GRAMD1A: variants seen among roughly 807,000 people sequenced by gnomAD.
The protein encoded by GRAMD1A is protein Aster-A.
GRAMD1A carries 50 observed loss-of-function variants against 92.0 expected under a neutral mutation model. The ratio of observed to expected loss-of-function variants is 0.54; its 90% CI spans 0.43 to 0.69. The LOEUF (loss-of-function observed/expected upper bound fraction) is 0.69. Ranked by LOEUF, GRAMD1A falls within the 30% of genes least tolerant of loss-of-function variation. The probability of loss-of-function intolerance (pLI) is 0.00; values close to 1 mark genes in which losing one functional copy is unlikely to be tolerated. For missense variants in GRAMD1A, 819 were observed against 978.9 expected, an observed-to-expected ratio of 0.84 and a Z score of 2.18; for synonymous variants, 405 against 403.6, an observed-to-expected ratio of 1.00 and a Z score of -0.04.
upstream of GRAMD1A, among the ~76,000 whole-genome samples, chr19:34,995,596 T>TTTTTTTTTTTG (rs1281397886): frequency 6.7e-6 from 1 of 148,900 alleles, no homozygotes; most frequent in African/African-American, 2.5e-5. Flanking sequence ...TTTTTTTTTT[T>TTTTTTTTTTTG]TCTGAGACAG....
Position 35,013,573 on chromosome 19 carries a change from T to C in GRAMD1A, c.752T>C (p.Leu251Pro), listed in dbSNP as rs754280652. ...TPKEVGDVIA[L>P]SDITSSGAAD... ...AAGGAAGTGGGAGATGTGATCGCCC[T>C]GAGCGACATCACCTCCTCGGGGGCA... Residue 251 changes from leucine to proline, a missense_variant, in exon 9 of 20, where the codon CTG (leucine) becomes CCG (proline). By Grantham distance (98) the Leu-to-Pro change is moderately conservative. This residue lies in a region of GRAMD1A where 577 missense variants were observed against 674.6 expected (regional missense o/e 0.86). Transcript: ENST00000317991. This position sits in a 1 kb window ranked among gnomAD's most constrained non-coding sequence, Gnocchi z 4.9. 1 of 1,612,302 alleles carries C rather than the reference T, an allele frequency of 6.2e-7. No homozygotes were observed. Among genetic ancestry groups the C allele is most frequent in the Admixed American group, 1.7e-5 (1 of 59,878 alleles).
chr19:35,010,515 G>A (rs1224348940), intron 6 of GRAMD1A, 136 bp downstream of exon 6: 1 of 664,338 alleles, frequency 1.5e-6, no homozygotes, highest in East Asian at 2.7e-5. Context: ...TCCCGGCCCA[G>A]GCGCCCATCA....
intron 11 of GRAMD1A, among the ~76,000 whole-genome samples, chr19:35,018,057 G>C (rs2015768313): frequency 6.6e-6 from 1 of 151,930 alleles, no homozygotes; most frequent in Non-Finnish European, 1.5e-5. Context: ...GCACAGTCTT[G>C]AGTCACTGTA....
chr19:35,009,995 C>A, intron 4 of GRAMD1A, 23 bp downstream of exon 4: 1 of 1,577,692 alleles, frequency 6.3e-7, no homozygotes, highest in Non-Finnish European at 8.7e-7. Flanking sequence ...CCCCCAGTCC[C>A]AGCTCCTAGC....
intron 16 of GRAMD1A, among the ~76,000 whole-genome samples, 200 bp downstream of exon 16, chr19:35,022,238 G>T (rs2290644): frequency 1.3e-5 from 2 of 151,312 alleles, no homozygotes; most frequent in African/African-American, 4.9e-5. Context: ...CAGCAGAGCC[G>T]GGGGGGGCTA....
Position 35,009,883 on chromosome 19 carries a change from C to T in GRAMD1A, c.241-5C>T. 6.3e-7 allele frequency: 1 copy of T among 1,593,566 alleles called. No individual in the cohort carries two copies. The highest frequency in any genetic ancestry group is 8.6e-7 in the Non-Finnish European group (1 of 1,161,270). ...TCCAGGTTCTCACCTCTCAAACTTCCTCAGATGCTGAGCCCCACTTATAAG... is the reference window on the plus strand; with the variant it reads ...TCCAGGTTCTCACCTCTCAAACTTCTTCAGATGCTGAGCCCCACTTATAAG... On this transcript the variant is annotated splice_region_variant and splice_polypyrimidine_tract_variant and intron_variant, in intron 3 of 19. Transcript: ENST00000317991.
At position 35,013,222 on chromosome 19, in the gene GRAMD1A, A is replaced by AG; in HGVS notation, c.607-33dup. Reference sequence around the variant, plus strand: ...GGCGGGCCGGGCTCTGGCTGGGGTGAGATGGAGGCCAACCCCAGGTCCCGC... The same window carrying AG: ...GGCGGGCCGGGCTCTGGCTGGGGTGAGGATGGAGGCCAACCCCAGGTCCCGC... On this transcript the variant is annotated intron_variant, in intron 7 of 19. Transcript: ENST00000317991. This position sits in a 1 kb window ranked among gnomAD's most constrained non-coding sequence, Gnocchi z 4.9. 3 of 1,170,580 alleles carry AG rather than the reference A, an allele frequency of 2.6e-6. No homozygotes were observed. The highest frequency in any genetic ancestry group is 3.7e-6 in the Non-Finnish European group (3 of 811,416). 72.5% of individuals were successfully genotyped at this position (1,170,580 alleles called of 1,614,324 possible).
At chr19:35,003,763 A>G (rs1179249005) in intron 1 of GRAMD1A, among the ~76,000 whole-genome samples, 2 of 151,462 alleles carry the variant, frequency 1.3e-5, no homozygotes, top group East Asian at 3.9e-4. Context: ...CACCTCCGCT[A>G]CTCCCTCAGC....
chr19:34,996,387 A>AT, upstream of GRAMD1A: 1 of 988,202 alleles, frequency 1.0e-6, no homozygotes, highest in Non-Finnish European at 1.4e-6. Flanking sequence ...GGGTCAGAGC[A>AT]CAACCTTAGC....
chr19:35,023,563 C>G lies in GRAMD1A; in HGVS notation c.2082+16C>G, dbSNP rs764437115. 6.4e-7 allele frequency: 1 copy of G among 1,561,746 alleles called. No homozygotes were observed. Reference sequence around the variant, plus strand: ...CCTGGATGAGGTAGGAGGCGCCGCTCGGGCAGGGCTCGGGGCTGCGGGGCT... The same window carrying G: ...CCTGGATGAGGTAGGAGGCGCCGCTGGGGCAGGGCTCGGGGCTGCGGGGCT... On this transcript the variant is annotated intron_variant, in intron 19 of 19. Transcript: ENST00000317991.
At chr19:35,004,376 G>T (rs2014644287) in intron 1 of GRAMD1A, among the ~76,000 whole-genome samples, 1 of 152,000 alleles carries the variant, frequency 6.6e-6, no homozygotes, top group Non-Finnish European at 1.5e-5. Context: ...GGAATCTCTG[G>T]CCCCACCCCA....
In GRAMD1A at chr19:35,021,628, G is replaced by T; in HGVS notation, c.1579+23G>T. On this transcript the variant is annotated intron_variant, in intron 14 of 19. Transcript: ENST00000317991. This position sits in a 1 kb window ranked among gnomAD's most constrained non-coding sequence, Gnocchi z 5.3. ...TGGGTAGGGACAGAAGGCCGGCTGG[G>T]GCGTGGGTTGGGGGATGGCCTGGCC... is the stretch of plus-strand genomic sequence containing the variant. 6.2e-7 allele frequency: 1 copy of T among 1,613,424 alleles called. No homozygotes were observed. Among genetic ancestry groups the T allele is most frequent in the African/African-American group, 1.3e-5 (1 of 75,056 alleles).
chr19:35,023,198 A>C, intron 17 of GRAMD1A, 38 bp from the exon 18 acceptor site: 1 of 1,455,628 alleles, frequency 6.9e-7, no homozygotes. Context: ...CAGAGCATCT[A>C]GACCCCAGGA....
At position 35,023,335 on chromosome 19, in the gene GRAMD1A, G is replaced by A. The variant is rs774520840; in HGVS notation, c.1953G>A (p.Leu651=). Reference sequence around the variant, plus strand: ...TTGAGTCCTGGCACAGCCTGGCCCTGGCCAAGGGGTGAGTGGGTAGCCTGG... The same window carrying A: ...TTGAGTCCTGGCACAGCCTGGCCCTAGCCAAGGGGTGAGTGGGTAGCCTGG... ...HTFESWHSLA[L]AKGKFPQTAT... The change falls in exon 18 of 20, where the codon CTG becomes CTA. Residue 651 remains leucine, a synonymous_variant. Transcript: ENST00000317991. 3.7e-6 allele frequency: 6 copies of A among 1,613,968 alleles called. No homozygotes were observed. Among genetic ancestry groups the A allele is most frequent in the Non-Finnish European group, 4.2e-6 (5 of 1,179,930 alleles).
At chr19:35,005,317 G>C (rs1694878360) in intron 1 of GRAMD1A, among the ~76,000 whole-genome samples, 1 of 151,596 alleles carries the variant, frequency 6.6e-6, no homozygotes, top group Non-Finnish European at 1.5e-5. Flanking sequence ...CGGGAGGCGG[G>C]GTAGGGGGTG....
upstream of GRAMD1A, among the ~76,000 whole-genome samples, chr19:34,997,381 A>G (rs1443434696): frequency 1.5e-5 from 2 of 135,608 alleles, no homozygotes; most frequent in East Asian, 4.4e-4. Flanking sequence ...ATCACAGGCC[A>G]AAAAAACAAA....
chr19:35,004,302 G>A (rs12459630), intron 1 of GRAMD1A, among the ~76,000 whole-genome samples: 13,998 of 151,874 alleles, frequency 0.092, 691 homozygotes, highest in East Asian at 0.15. Flanking sequence ...AATTTAAAAA[G>A]CATCTCTGCC....
Position 35,011,573 on chromosome 19 carries a change from C to T in GRAMD1A, c.606+19C>T, listed in dbSNP as rs369415387. ...TGAAAAGGTGGGCCTGGGTGAGGCC[C>T]GGGTGGGGATGGGGGGTTTCCAGGG... On this transcript the variant is annotated intron_variant, in intron 7 of 19. Transcript: ENST00000317991. 9.6e-5 allele frequency: 151 copies of T among 1,578,354 alleles called. No homozygotes were observed. Among genetic ancestry groups the T allele is most frequent in the Non-Finnish European group, 1.2e-4 (136 of 1,152,220 alleles).
rs1317861720 is a variant in GRAMD1A at position 35,000,448 on chromosome 19, G to GCCCTT, written c.-30_-29insCCTTC. ...GCCCTGCCCTGCCCTGCCCTGCCCT[G>GCCCTT]CGCCCGGGGCGCGCCCACCGCGCCG... On this transcript the variant is annotated 5_prime_UTR_variant, in exon 1 of 20. Transcript: ENST00000317991. This position sits in a 1 kb window ranked among gnomAD's most constrained non-coding sequence, Gnocchi z 4.9. 3 of 1,250,246 alleles carry GCCCTT rather than the reference G, an allele frequency of 2.4e-6. No homozygotes were observed. The highest frequency in any genetic ancestry group is 3.0e-5 in the South Asian group (1 of 33,868). The allele number at this position is 1,250,246 out of a possible 1,614,324, so 77.4% of individuals were successfully genotyped here.
Sources: gnomAD v4.1 joint callset for allele counts (sites outside exome capture counted in the v4.1 genomes callset) on GRCh38, gnomAD v4.1.1 for gene constraint, gnomAD v4.1.1 regional missense constraint, Gnocchi (gnomAD v3.1) non-coding constraint, MANE v1.5 for transcripts, NCBI Gene and HGNC (gene_info 2026-07-23, HGNC 2026-07-21) for gene names.